The following POLA1 variants were observed in gnomAD, a reference collection of about 807,000 sequenced individuals.
The protein encoded by POLA1 is DNA polymerase alpha 1, catalytic subunit.
In POLA1, 15 loss-of-function variants were observed where a neutral mutation model predicts 124.0. The observed-to-expected ratio is 0.12, with a 90% CI of 0.08 to 0.19. POLA1 has a LOEUF of 0.19. Ranked by LOEUF, POLA1 falls within the 10% of genes least tolerant of loss-of-function variation. The pLI is 1.00. For missense variants in POLA1, 886 were observed against 1,103.4 expected (o/e 0.80, Z 2.79); for synonymous variants, 408 against 389.4 (o/e 1.05, Z -0.56).
intron 34 of POLA1, among the ~76,000 whole-genome samples, chrX:24,846,189 A>G (rs1299156927): frequency 1.8e-5 from 2 of 112,078 alleles, no homozygotes; most frequent in Non-Finnish European, 3.8e-5. Flanking sequence ...AAACTGTATC[A>G]CATCATAATA....
chrX:24,706,818 G>T (rs1928842268), intron 4 of POLA1, among the ~76,000 whole-genome samples: 1 of 112,007 alleles, frequency 8.9e-6, no homozygotes, highest in Non-Finnish European at 1.9e-5. Context: ...GATTTACTAT[G>T]TAGGTTCATT....
chrX:24,741,658 G>A lies in POLA1; in HGVS notation c.2346+154G>A, dbSNP rs1179825317. On this transcript the variant is annotated intron_variant, in intron 21 of 36. Coordinates refer to ENST00000379068, the MANE Select transcript of POLA1 (RefSeq NM_001330360.2). ...GATTTCTTTTGTAAAAGGAAGAACTGGTTGGGAGAAGGGGAGGAATGCCAG... is the reference window on the plus strand; with the variant it reads ...GATTTCTTTTGTAAAAGGAAGAACTAGTTGGGAGAAGGGGAGGAATGCCAG... Among the ~76,000 whole-genome samples, 10 of 111,221 alleles carry A rather than the reference G, an allele frequency of 9.0e-5. No individual in the cohort carries two copies. The Admixed American group carries it at 9.6e-4, about 11-fold the overall frequency.
intron 35 of POLA1, among the ~76,000 whole-genome samples, chrX:24,899,599 A>AGCT (rs2047249492): frequency 8.9e-6 from 1 of 112,099 alleles, no homozygotes; most frequent in Admixed American, 9.5e-5. Flanking sequence ...ACAGGTGCTA[A>AGCT]GCTGCGGGAG....
At chrX:24,916,287 C>CTTTTTTTTTT (rs1301083848) in intron 35 of POLA1, among the ~76,000 whole-genome samples, 2 of 95,133 alleles carry the variant, frequency 2.1e-5, no homozygotes, top group African/African-American at 8.1e-5. Flanking sequence ...TTTCTTTTTT[C>CTTTTTTTTTT]TTTTTTTTTT....
intron 36 of POLA1, among the ~76,000 whole-genome samples, chrX:24,977,918 T>C (rs1337939859): frequency 9.0e-6 from 1 of 111,276 alleles, no homozygotes; most frequent in Non-Finnish European, 1.9e-5. Context: ...GGGGTCTCTG[T>C]CTTGAATATA....
intron 35 of POLA1, among the ~76,000 whole-genome samples, chrX:24,901,189 G>A (rs2047272748): frequency 9.0e-6 from 1 of 111,529 alleles, no homozygotes; most frequent in African/African-American, 3.3e-5. Context: ...GAAGAATTCA[G>A]CTGTGTGAGT....
At chrX:24,814,575 T>TAA (rs1320505047) in intron 29 of POLA1, among the ~76,000 whole-genome samples, 1 of 112,449 alleles carries the variant, frequency 8.9e-6, no homozygotes, top group African/African-American at 3.2e-5. Context: ...ATATCAGAGA[T>TAA]AATGTCTTGG....
intron 35 of POLA1, among the ~76,000 whole-genome samples, chrX:24,920,061 G>A (rs2047595106): frequency 9.2e-6 from 1 of 108,208 alleles, no homozygotes; most frequent in African/African-American, 3.4e-5. Context: ...TGGCCAGGCT[G>A]GTCTCAAACT....
rs1385774984 is a variant in POLA1, at chrX:24,870,606, C to T, written c.4048-17400C>T. The stretch of plus-strand genomic sequence containing the variant: ...GGAACACTCAGTGACAGTGCTTATG[C>T]AGCCATGTCAAATTCTTTAGTTTTA... On this transcript the variant is annotated intron_variant, in intron 34 of 36. Coordinates refer to ENST00000379068, the MANE Select transcript of POLA1 (RefSeq NM_001330360.2). Among the ~76,000 whole-genome samples, 4 of 111,764 alleles carry T rather than the reference C, an allele frequency of 3.6e-5. No homozygotes were observed. In the East Asian group the frequency reaches 1.1e-3, roughly 31 times the overall value.
intron 24 of POLA1, among the ~76,000 whole-genome samples, chrX:24,747,709 A>T (rs1932090039): frequency 9.4e-6 from 1 of 106,036 alleles, no homozygotes; most frequent in African/African-American, 3.4e-5. Flanking sequence ...TTGAAGAGAG[A>T]TAGCATGTGT....
Position 24,815,034 on chromosome X carries a change from A to G in POLA1, c.3352A>G (p.Ile1118Val). ...DQSRDTIVENIQKRLIEIGEN... is the reference protein window; with the variant it reads ...DQSRDTIVENVQKRLIEIGEN... ...AAGCCGGGACACTATAGTGGAAAAC[A>G]TTCAGAAGAGGCTGATAGAAATTGG... is the stretch of plus-strand genomic sequence containing the variant. Residue 1118 changes from isoleucine (I) to valine (V), a missense_variant, in exon 30 of 37, where the codon ATT becomes GTT. Coordinates refer to ENST00000379068, the MANE Select transcript of POLA1 (RefSeq NM_001330360.2). The G allele has an allele frequency of 8.3e-7, 1 of 1,202,013 alleles. No homozygotes were observed. Among genetic ancestry groups the G allele is most frequent in the Non-Finnish European group, 1.1e-6 (1 of 889,223 alleles).
intron 26 of POLA1, among the ~76,000 whole-genome samples, chrX:24,756,773 C>T (rs1243269586): frequency 5.4e-5 from 6 of 110,870 alleles, no homozygotes; most frequent in Non-Finnish European, 1.1e-4. Context: ...TGATAAAGAA[C>T]GCTGGTTCTT....
chrX:24,912,326 G>A (rs1442592792), intron 35 of POLA1, among the ~76,000 whole-genome samples: 1 of 112,079 alleles, frequency 8.9e-6, no homozygotes, highest in Non-Finnish European at 1.9e-5. Context: ...TCTTAGACAT[G>A]AAACTAAAAT....
chrX:24,761,621 C>T (rs746149573), intron 26 of POLA1, among the ~76,000 whole-genome samples: 3 of 111,881 alleles, frequency 2.7e-5, no homozygotes, highest in South Asian at 3.8e-4. Flanking sequence ...CTGCATGGCA[C>T]GATGTGATGG....
intron 4 of POLA1, among the ~76,000 whole-genome samples, chrX:24,709,493 C>A (rs1053989240): frequency 9.1e-6 from 1 of 109,729 alleles, no homozygotes; most frequent in Non-Finnish European, 1.9e-5. Flanking sequence ...GGGGCTGACC[C>A]CCCCCACCTC....
chrX:24,849,419 A>G, intron 34 of POLA1, among the ~76,000 whole-genome samples: 1 of 112,605 alleles, frequency 8.9e-6, no homozygotes, highest in African/African-American at 3.2e-5. Flanking sequence ...AATGAATGTC[A>G]GGGATACCAA....
chrX:24,979,610 C>T (rs2048399886), intron 36 of POLA1, among the ~76,000 whole-genome samples: 1 of 112,140 alleles, frequency 8.9e-6, no homozygotes, highest in Non-Finnish European at 1.9e-5. Flanking sequence ...GGCAATTACA[C>T]TTATATTAAG....
At chrX:24,912,764 T>C (rs193228929) in intron 35 of POLA1, among the ~76,000 whole-genome samples, 25 of 111,126 alleles carry the variant, frequency 2.2e-4, no homozygotes, top group African/African-American at 7.5e-4. Context: ...AGTAAGACCC[T>C]GCCTCAAAAA....
intron 18 of POLA1, among the ~76,000 whole-genome samples, chrX:24,736,060 C>G (rs1052674111): frequency 1.8e-5 from 2 of 111,133 alleles, no homozygotes; most frequent in African/African-American, 6.6e-5. Flanking sequence ...TCTGGCCTTT[C>G]TAGTTTGTAG....
Sources: allele counts gnomAD v4.1 joint callset (sites outside exome capture counted in the v4.1 genomes callset), GRCh38; gene constraint gnomAD v4.1.1; transcripts MANE v1.5; gene names NCBI Gene and HGNC (gene_info 2026-07-23, HGNC 2026-07-21).